Variants in CDV3 observed in about 807,000 individuals in gnomAD.
CDV3 encodes the protein protein CDV3 homolog.
CDV3 carries 14 observed loss-of-function variants against 24.5 expected under a neutral mutation model. That is an observed-to-expected ratio of 0.57 (90% CI 0.38 to 0.89). The LOEUF (loss-of-function observed/expected upper bound fraction) is 0.89, where lower values mean the gene tolerates loss of function less well. CDV3 is among the 40% of genes least tolerant of loss of function. The pLI is 0.00. For missense variants in CDV3, 304 were observed against 310.2 expected (o/e 0.98, Z 0.15); for synonymous variants, 114 against 114.1 (o/e 1.00, Z 0.00).
At chr3:133,578,827 G>C (rs886664283) in intron 2 of CDV3, among the ~76,000 whole-genome samples, 4 of 152,178 alleles carry the variant, frequency 2.6e-5, no homozygotes, top group African/African-American at 9.7e-5. Context: ...TGGGGAAGGG[G>C]AGTTAGGATG....
At chr3:133,586,160 A>G (rs921095976) in intron 3 of CDV3, among the ~76,000 whole-genome samples, 2 of 152,180 alleles carry the variant, frequency 1.3e-5, no homozygotes, top group Non-Finnish European at 2.9e-5. Context: ...CAGTGGCTCA[A>G]TATCGGCTCA....
chr3:133,587,549 G>T, intron 4 of CDV3: 1 of 1,099,332 alleles, frequency 9.1e-7, no homozygotes, highest in Non-Finnish European at 1.1e-6. Flanking sequence ...TGTTACCCTT[G>T]TGCATAAAGA....
chr3:133,580,861 G>A (rs1241237261), intron 2 of CDV3, among the ~76,000 whole-genome samples: 2 of 152,162 alleles, frequency 1.3e-5, no homozygotes, highest in African/African-American at 4.8e-5. Flanking sequence ...ATACTAAATT[G>A]TCTCCTTGTG....
chr3:133,588,756 C>T lies in CDV3; in HGVS notation c.*710C>T, dbSNP rs9824964. 0.1 allele frequency: 19,359 copies of T among 190,604 alleles called. 1,271 individuals carry two copies. Among genetic ancestry groups the T allele is most frequent in the African/African-American group, 0.19 (8,057 of 42,674 alleles). 11.8% of individuals were successfully genotyped at this position (190,604 alleles called of 1,614,324 possible). ...AAATAAATTCAACCAAACTGGGGTCCACCAAGTGGGGGAAGGGGAAGGGAG... is the reference window on the plus strand; with the variant it reads ...AAATAAATTCAACCAAACTGGGGTCTACCAAGTGGGGGAAGGGGAAGGGAG... On this transcript the variant is annotated 3_prime_UTR_variant, in exon 5 of 5. Transcript: ENST00000264993.
intron 3 of CDV3, among the ~76,000 whole-genome samples, chr3:133,586,046 G>A (rs1181004351): frequency 3.3e-5 from 5 of 152,312 alleles, no homozygotes; most frequent in South Asian, 2.1e-4. Flanking sequence ...AAAGTTGTAC[G>A]TGGAGGAGGA....
chr3:133,575,567 C>T (rs2074774011), intron 2 of CDV3, among the ~76,000 whole-genome samples: 1 of 152,174 alleles, frequency 6.6e-6, no homozygotes, highest in Admixed American at 6.5e-5. Flanking sequence ...GTGCAACCAA[C>T]CTGTGCAATA....
chr3:133,575,420 G>C (rs1320216347), intron 2 of CDV3, among the ~76,000 whole-genome samples: 1 of 152,148 alleles, frequency 6.6e-6, no homozygotes, highest in Admixed American at 6.5e-5. Flanking sequence ...TTTTAACATC[G>C]GTGATTGTAC....
In CDV3 at chr3:133,588,373, T is replaced by C; in HGVS notation, c.*327T>C. 2 of 1,535,920 alleles carry C rather than the reference T, an allele frequency of 1.3e-6. No homozygotes were observed. The highest frequency in any genetic ancestry group is 1.7e-6 in the Non-Finnish European group (2 of 1,146,710). On this transcript the variant is annotated 3_prime_UTR_variant, in exon 5 of 5. Coordinates refer to ENST00000264993, the MANE Select transcript of CDV3 (RefSeq NM_017548.5). ...TTCAGATACTGAGCCTTCATAAGGG[T>C]TGACTACCTCAGATTTGCTGCACTC...
At chr3:133,582,212 A>G (rs1282218304) in intron 2 of CDV3, among the ~76,000 whole-genome samples, 1 of 152,178 alleles carries the variant, frequency 6.6e-6, no homozygotes, top group Non-Finnish European at 1.5e-5. Flanking sequence ...GCTGGAGTGC[A>G]GTGGCACAGT....
chr3:133,574,596 A>G, intron 1 of CDV3: 1 of 992,330 alleles, frequency 1.0e-6, no homozygotes, highest in Non-Finnish European at 1.2e-6. Flanking sequence ...TTATCGGGTG[A>G]CGTCTAGGCT....
At chr3:133,585,021 T>C (rs187472704) in intron 3 of CDV3, among the ~76,000 whole-genome samples, 8 of 152,206 alleles carry the variant, frequency 5.3e-5, no homozygotes, top group Non-Finnish European at 1.0e-4. Flanking sequence ...AATCTTGTTA[T>C]GCAGAAATCA....
At chr3:133,574,408 G>A in intron 1 of CDV3, 124 bp downstream of exon 1, 6 of 969,864 alleles carry the variant, frequency 6.2e-6, no homozygotes, top group Non-Finnish European at 7.4e-6. Flanking sequence ...GGCGCGGGCC[G>A]CCACGTGACG....
chr3:133,583,248 ATC>A lies in CDV3; in HGVS notation c.318-752_318-751del, dbSNP rs1260965867. Among the ~76,000 whole-genome samples the A allele has an allele frequency of 9.8e-5, 15 of 152,344 alleles. No homozygotes were observed. In the East Asian group the frequency reaches 2.3e-3, roughly 23 times the overall value. ...AAACACTGGACACAGACTTGTTTTC[ATC>A]TGCTGGAATGTGAATTCTAATTCTG... is the stretch of plus-strand genomic sequence containing the variant. On this transcript the variant is annotated intron_variant, in intron 2 of 4. Coordinates refer to ENST00000264993, the MANE Select transcript of CDV3 (RefSeq NM_017548.5).
At chr3:133,587,699 G>A (rs572972563) in intron 4 of CDV3, 197 bp from the exon 5 acceptor site, 30 of 1,359,328 alleles carry the variant, frequency 2.2e-5, no homozygotes, top group Middle Eastern at 2.8e-4. Flanking sequence ...GGACCCTAGA[G>A]CTTCAATACA....
chr3:133,584,257 C>G (rs1701802068), intron 3 of CDV3, 107 bp downstream of exon 3: 4 of 767,990 alleles, frequency 5.2e-6, no homozygotes, highest in Admixed American at 2.7e-5. Context: ...GGAGGAGAGG[C>G]TCCTTTCCAT....
chr3:133,575,204 A>G, intron 2 of CDV3, 89 bp downstream of exon 2: 1 of 735,698 alleles, frequency 1.4e-6, no homozygotes, highest in Admixed American at 2.1e-5. Context: ...AAGCAGCATC[A>G]TAGTAGCCTT....
chr3:133,580,347 C>T (rs1354444303), intron 2 of CDV3, among the ~76,000 whole-genome samples: 2 of 152,078 alleles, frequency 1.3e-5, no homozygotes, highest in African/African-American at 2.4e-5. Flanking sequence ...ATATGTGCAA[C>T]GTTTTCTTTA....
At chr3:133,584,651 G>C (rs1366446536) in intron 3 of CDV3, among the ~76,000 whole-genome samples, 1 of 151,990 alleles carries the variant, frequency 6.6e-6, no homozygotes, top group Admixed American at 6.6e-5. Flanking sequence ...GAAAGACAAG[G>C]GGCCCTTGTC....
rs1262269534 is a variant in CDV3 at position 133,587,990 on chromosome 3, G to T, written c.721G>T (p.Asp241Tyr). The change falls in exon 5 of 5, where the codon GAC (aspartate) becomes TAC (tyrosine). Residue 241 changes from aspartate (D) to tyrosine (Y), a missense_variant. By Grantham distance (160) the Asp-to-Tyr change is radical. Coordinates refer to ENST00000264993, the MANE Select transcript of CDV3 (RefSeq NM_017548.5). Reference sequence around the variant, plus strand: ...AAACCAGGCCCTTAAACTTCAGCTAGACAACCAATATGCTGTGCTTGAAAA... The same window carrying T: ...AAACCAGGCCCTTAAACTTCAGCTATACAACCAATATGCTGTGCTTGAAAA... The part of the protein sequence containing the change: ...SKNQALKLQL[D>Y]NQYAVLENQK... The T allele has an allele frequency of 6.2e-7, 1 of 1,614,048 alleles. No individual in the cohort carries two copies. Among genetic ancestry groups the T allele is most frequent in the Admixed American group, 1.7e-5 (1 of 60,018 alleles).
Sources: allele counts gnomAD v4.1 joint callset (sites outside exome capture counted in the v4.1 genomes callset), GRCh38; gene constraint gnomAD v4.1.1; transcripts MANE v1.5; gene names NCBI Gene and HGNC (gene_info 2026-07-23, HGNC 2026-07-21).